Variants in CTNNA3 observed in about 807,000 individuals in gnomAD.
The protein encoded by CTNNA3 is catenin alpha 3.
A neutral mutation model predicts 95.7 loss-of-function variants in CTNNA3; 76 were observed. The ratio of observed to expected loss-of-function variants is 0.79; its 90% confidence interval spans 0.66 to 0.96. The LOEUF is 0.96. CTNNA3 is among the 40% of genes least tolerant of loss of function. CTNNA3 has a pLI of 0.00. For synonymous variants in CTNNA3, 431 were observed against 374.4 expected (o/e 1.15, Z -1.74); for missense variants, 1,191 against 1,089.8 (o/e 1.09, Z -1.31).
At chr10:66,174,322 A>T (rs905029861) in intron 13 of CTNNA3, among the ~76,000 whole-genome samples, 3 of 152,060 alleles carry the variant, frequency 2.0e-5, no homozygotes, top group African/African-American at 7.2e-5. Flanking sequence ...CCTAGCAATA[A>T]CTACTACCAA....
intron 10 of CTNNA3, among the ~76,000 whole-genome samples, chr10:66,557,470 C>G (rs1372398585): frequency 1.3e-5 from 2 of 152,086 alleles, no homozygotes; most frequent in African/African-American, 4.8e-5. Context: ...AGTCTCTGGT[C>G]AAAAACATTG....
At chr10:66,935,233 T>C (rs538979719) in intron 7 of CTNNA3, among the ~76,000 whole-genome samples, 1 of 152,204 alleles carries the variant, frequency 6.6e-6, no homozygotes, top group East Asian at 1.9e-4. Context: ...CATGTTGATA[T>C]TGAAAAAGTA....
At chr10:67,114,709 GGTGTGTGTGTGTGTGTGTGT>G (rs56772381) in intron 7 of CTNNA3, among the ~76,000 whole-genome samples, 5 of 144,754 alleles carry the variant, frequency 3.5e-5, no homozygotes, top group Non-Finnish European at 7.6e-5. Context: ...GGTTCTTAAA[GGTGTGTGTGTGTGTGTGTGT>G]GTGTGTGTGT....
intron 9 of CTNNA3, among the ~76,000 whole-genome samples, chr10:66,653,770 A>C (rs1295074754): frequency 6.6e-6 from 1 of 152,118 alleles, no homozygotes; most frequent in Admixed American, 6.5e-5. Flanking sequence ...GACCAATGGA[A>C]TGGAATAGAC....
At chr10:67,290,717 A>C (rs1232063219) in intron 5 of CTNNA3, among the ~76,000 whole-genome samples, 2 of 152,182 alleles carry the variant, frequency 1.3e-5, no homozygotes, top group Admixed American at 1.3e-4. Flanking sequence ...GCTTCCTCCA[A>C]GAACTATGAC....
chr10:67,178,571 C>T (rs916442876), intron 7 of CTNNA3, among the ~76,000 whole-genome samples: 4 of 151,986 alleles, frequency 2.6e-5, no homozygotes, highest in South Asian at 2.1e-4. Flanking sequence ...CCACAAATTA[C>T]GTGGCCAACC....
intron 5 of CTNNA3, among the ~76,000 whole-genome samples, chr10:67,481,044 A>T (rs1848204482): frequency 6.6e-6 from 1 of 152,216 alleles, no homozygotes; most frequent in Admixed American, 6.5e-5. Context: ...TTCTGTGTCC[A>T]TCAAGATGAT....
At chr10:66,457,650 AG>A (rs1430497666) in intron 11 of CTNNA3, among the ~76,000 whole-genome samples, 1 of 149,962 alleles carries the variant, frequency 6.7e-6, no homozygotes, top group African/African-American at 2.5e-5. Context: ...TAAAAAAAAA[AG>A]TTTATGTTAT....
chr10:67,442,971 G>C (rs1477301626), intron 5 of CTNNA3, among the ~76,000 whole-genome samples: 222 of 112,536 alleles, frequency 2.0e-3, no homozygotes, highest in African/African-American at 7.6e-3. Flanking sequence ...ACAGTCCCCA[G>C]AGTGTGATGT....
intron 15 of CTNNA3, among the ~76,000 whole-genome samples, chr10:65,996,456 T>G (rs2078662184): frequency 6.6e-6 from 1 of 152,034 alleles, no homozygotes; most frequent in Non-Finnish European, 1.5e-5. Flanking sequence ...TGTAGGGAGA[T>G]GTCAGTGGGG....
intron 7 of CTNNA3, among the ~76,000 whole-genome samples, chr10:66,834,949 T>A (rs1324648958): frequency 1.3e-5 from 2 of 152,158 alleles, no homozygotes; most frequent in African/African-American, 4.8e-5. Context: ...AAACACCCTG[T>A]TCAACCTGGT....
chr10:67,054,439 T>G (rs1167779134), intron 7 of CTNNA3, among the ~76,000 whole-genome samples: 3 of 152,128 alleles, frequency 2.0e-5, no homozygotes, highest in Admixed American at 2.0e-4. Flanking sequence ...CAATCTGAGC[T>G]TCTTCAATCT....
At chr10:66,898,373 A>C (rs6480238) in intron 7 of CTNNA3, among the ~76,000 whole-genome samples, 74,378 of 151,990 alleles carry the variant, frequency 0.49, 18,601 homozygotes, top group African/African-American at 0.52. Flanking sequence ...AGTATCTGTA[A>C]AGCTAAAGCA....
intron 7 of CTNNA3, among the ~76,000 whole-genome samples, chr10:67,062,944 T>C (rs1407200262): frequency 6.6e-6 from 1 of 152,144 alleles, no homozygotes; most frequent in African/African-American, 2.4e-5. Flanking sequence ...TTTTTTTAGC[T>C]CTCTCATATG....
intron 5 of CTNNA3, among the ~76,000 whole-genome samples, chr10:67,271,761 A>G (rs1838988977): frequency 6.6e-6 from 1 of 152,216 alleles, no homozygotes; most frequent in Non-Finnish European, 1.5e-5. Context: ...AGATTGACAA[A>G]GAATCCAAGC....
At chr10:67,661,584 T>G (rs1229121253) in intron 1 of CTNNA3, among the ~76,000 whole-genome samples, 1 of 152,142 alleles carries the variant, frequency 6.6e-6, no homozygotes, top group Non-Finnish European at 1.5e-5. Flanking sequence ...TCAAACTTCG[T>G]GAAAATACAA....
intron 1 of CTNNA3, among the ~76,000 whole-genome samples, chr10:67,690,277 C>G (rs1176038659): frequency 6.6e-6 from 1 of 152,144 alleles, no homozygotes; most frequent in Non-Finnish European, 1.5e-5. Flanking sequence ...CAGACCCTCA[C>G]GGTGAGTGTT....
intron 11 of CTNNA3, among the ~76,000 whole-genome samples, chr10:66,406,606 T>G (rs2093059386): frequency 6.6e-6 from 1 of 152,160 alleles, no homozygotes; most frequent in Non-Finnish European, 1.5e-5. Flanking sequence ...TCCATTAATC[T>G]TCCAAATGAC....
intron 3 of CTNNA3, among the ~76,000 whole-genome samples, chr10:67,559,841 C>T (rs1043458659): frequency 1.3e-5 from 2 of 151,982 alleles, no homozygotes; most frequent in East Asian, 1.9e-4. Context: ...GTGAAGAATG[C>T]AGAAGCCTCA....
Sources: allele counts gnomAD v4.1 joint callset (sites outside exome capture counted in the v4.1 genomes callset), GRCh38; gene constraint gnomAD v4.1.1; transcripts MANE v1.5; gene names NCBI Gene and HGNC (gene_info 2026-07-23, HGNC 2026-07-21).